The following SEC23B variants were observed in gnomAD, a reference collection of about 807,000 sequenced individuals.
SEC23B encodes protein transport protein Sec23B.
A neutral mutation model predicts 104.3 loss-of-function variants in SEC23B; 77 were observed. The observed-to-expected ratio is 0.74, with a 90% confidence interval of 0.61 to 0.89. The LOEUF (loss-of-function observed/expected upper bound fraction) is 0.89. Ranked by LOEUF, SEC23B falls within the 40% of genes least tolerant of loss-of-function variation. The pLI, the probability that SEC23B is intolerant of heterozygous loss-of-function variation, is 0.00. For missense variants in SEC23B, 885 were observed against 949.4 expected, an observed-to-expected ratio of 0.93 and a Z score of 0.89; for synonymous variants, 338 against 332.5, an observed-to-expected ratio of 1.02 and a Z score of -0.18.
intron 12 of SEC23B, among the ~76,000 whole-genome samples, chr20:18,540,056 A>C (rs1322993152): frequency 3.9e-5 from 6 of 151,974 alleles, no homozygotes; most frequent in Admixed American, 6.6e-5. Context: ...AAACTTCCAA[A>C]CTCCTGTGAA....
chr20:18,527,676 T>C, intron 9 of SEC23B, 65 bp downstream of exon 9: 1 of 1,083,296 alleles, frequency 9.2e-7, no homozygotes, highest in Non-Finnish European at 1.4e-6. Flanking sequence ...AAATTAGTGA[T>C]GGAGCCATAG....
chr20:18,521,601 C>T (rs1038773401), intron 4 of SEC23B, among the ~76,000 whole-genome samples: 3 of 151,782 alleles, frequency 2.0e-5, no homozygotes, highest in South Asian at 2.1e-4. Context: ...TAAGCCAGGC[C>T]GGGTGTGAGG....
At chr20:18,550,055 A>G (rs1301092497) in intron 16 of SEC23B, among the ~76,000 whole-genome samples, 1 of 122,284 alleles carries the variant, frequency 8.2e-6, no homozygotes, top group Non-Finnish European at 1.7e-5. Flanking sequence ...ATATATGTAT[A>G]TATAAGAACT....
At chr20:18,553,774 A>C (rs2060409827) in intron 17 of SEC23B, among the ~76,000 whole-genome samples, 1 of 152,148 alleles carries the variant, frequency 6.6e-6, no homozygotes, top group Non-Finnish European at 1.5e-5. Context: ...AATTGCACGC[A>C]AGTCTGTATG....
intron 9 of SEC23B, among the ~76,000 whole-genome samples, chr20:18,528,873 T>C (rs997290377): frequency 1.3e-5 from 2 of 152,234 alleles, no homozygotes; most frequent in African/African-American, 4.8e-5. Context: ...CACACATGTG[T>C]TAGTATAGCT....
chr20:18,508,975 T>C (rs946439488), intron 1 of SEC23B, among the ~76,000 whole-genome samples: 1 of 152,128 alleles, frequency 6.6e-6, no homozygotes, highest in African/African-American at 2.4e-5. Flanking sequence ...CCGGCCTCGG[T>C]CGCCCAAAGT....
chr20:18,547,844 A>C (rs2060347070), intron 15 of SEC23B, among the ~76,000 whole-genome samples: 1 of 152,208 alleles, frequency 6.6e-6, no homozygotes, highest in African/African-American at 2.4e-5. Flanking sequence ...TGCCTGGCAC[A>C]GTGACTCTGG....
chr20:18,532,129 C>G (rs1019267827), intron 10 of SEC23B, among the ~76,000 whole-genome samples: 13 of 152,198 alleles, frequency 8.5e-5, no homozygotes, highest in Admixed American at 4.6e-4. Flanking sequence ...ATTATTAAAT[C>G]ATCTAGGTTA....
In SEC23B at chr20:18,510,888, G is replaced by A. The variant is rs905074313; in HGVS notation, c.53G>A (p.Arg18His). The A allele has an allele frequency of 1.9e-5, 30 of 1,614,054 alleles. No individual in the cohort carries two copies. Among genetic ancestry groups the A allele is most frequent in the Admixed American group, 8.3e-5 (5 of 60,012 alleles). ...IQQNEERDGV[R>H]FSWNVWPSSR... ...CAGAATGAAGAACGGGATGGTGTGC[G>A]TTTTAGTTGGAACGTGTGGCCTTCC... The change falls in exon 2 of 20, where the codon CGT becomes CAT. Residue 18 changes from arginine to histidine, a missense_variant. Arg to His is a conservative substitution (Grantham distance 29, BLOSUM62 0). Coordinates refer to ENST00000650089, the MANE Select transcript of SEC23B (RefSeq NM_006363.6).
At chr20:18,535,582 C>G (rs1484215042) in intron 11 of SEC23B, 71 bp from the exon 12 acceptor site, 4 of 1,214,398 alleles carry the variant, frequency 3.3e-6, no homozygotes, top group Non-Finnish European at 4.9e-6. Context: ...TCAGTCAGTA[C>G]TTTTCATTAG....
chr20:18,512,191 T>C (rs760432392), intron 2 of SEC23B, 34 bp from the exon 3 acceptor site: 2 of 1,307,440 alleles, frequency 1.5e-6, no homozygotes, highest in Non-Finnish European at 2.2e-6. Flanking sequence ...AAAATAAAAG[T>C]GGTACCTACT....
Position 18,560,933 on chromosome 20 carries a change from G to T in SEC23B, c.*193G>T. 1.7e-6 allele frequency: 1 copy of T among 584,720 alleles called. No individual in the cohort carries two copies. The highest frequency in any genetic ancestry group is 3.0e-6 in the Non-Finnish European group (1 of 328,436). 36.2% of individuals were successfully genotyped at this position (584,720 alleles called of 1,614,324 possible). ...TTTTCTTGCACTATAAAATTATAAG[G>T]TCATAAATGTTTTGGTACTTGTAGA... On this transcript the variant is annotated 3_prime_UTR_variant, in exon 20 of 20. Transcript: ENST00000650089.
Position 18,560,709 on chromosome 20 carries a change from TGAA to T in SEC23B, c.2278_2280del (p.Lys760del), listed in dbSNP as rs769317050. The T allele has an allele frequency of 5.0e-5, 80 of 1,614,022 alleles. No homozygotes were observed. The highest frequency in any genetic ancestry group is 6.4e-5 in the Non-Finnish European group (76 of 1,179,960). On this transcript the variant is annotated inframe_deletion, in exon 20 of 20. Transcript: ENST00000650089. ...AGCCTGCAGGTGTTCATGGACCATT[TGAA>T]GAAGCTGGCTGTCTCCAGTGCCTGT...
At chr20:18,523,266 G>T (rs2060100820) in intron 4 of SEC23B, among the ~76,000 whole-genome samples, 1 of 151,962 alleles carries the variant, frequency 6.6e-6, no homozygotes, top group Admixed American at 6.6e-5. Flanking sequence ...TCCTGCTTGA[G>T]GACCTCTGCT....
intron 4 of SEC23B, among the ~76,000 whole-genome samples, chr20:18,519,289 A>C (rs1035203390): frequency 6.6e-6 from 1 of 152,208 alleles, no homozygotes; most frequent in East Asian, 1.9e-4. Context: ...CGGGCCAGGA[A>C]CAATGGTAAC....
intron 16 of SEC23B, among the ~76,000 whole-genome samples, chr20:18,550,127 A>G (rs1296913725): frequency 8.1e-6 from 1 of 123,302 alleles, no homozygotes; most frequent in Non-Finnish European, 1.7e-5. Context: ...TTATATACTT[A>G]TATAATATAA....
intron 4 of SEC23B, among the ~76,000 whole-genome samples, chr20:18,522,833 G>A (rs1051496321): frequency 2.0e-5 from 3 of 152,036 alleles, no homozygotes; most frequent in Non-Finnish European, 4.4e-5. Flanking sequence ...TGAGGCGGGG[G>A]GATCACAAAG....
At chr20:18,537,691 C>G (rs2060248765) in intron 12 of SEC23B, among the ~76,000 whole-genome samples, 1 of 151,974 alleles carries the variant, frequency 6.6e-6, no homozygotes, top group Non-Finnish European at 1.5e-5. Context: ...ACATATGTAA[C>G]TAACCTGCAC....
At chr20:18,540,271 C>T (rs1028106750) in intron 12 of SEC23B, among the ~76,000 whole-genome samples, 12 of 152,140 alleles carry the variant, frequency 7.9e-5, no homozygotes, top group Admixed American at 1.3e-4. Flanking sequence ...GGATGCAGAA[C>T]GGATGTTGTG....
Sources: gnomAD v4.1 joint callset for allele counts (sites outside exome capture counted in the v4.1 genomes callset) on GRCh38, gnomAD v4.1.1 for gene constraint, MANE v1.5 for transcripts, NCBI Gene and HGNC (gene_info 2026-07-23, HGNC 2026-07-21) for gene names.